Variants in LRP6 observed in about 807,000 individuals in gnomAD.
LRP6 encodes the protein LDL receptor related protein 6, also known as low-density lipoprotein receptor-related protein 6.
A neutral mutation model predicts 184.1 loss-of-function variants in LRP6; 43 were observed. The ratio of observed to expected loss-of-function variants is 0.23; its 90% CI spans 0.18 to 0.30. The LOEUF (loss-of-function observed/expected upper bound fraction) is 0.30. Among genes scored for constraint, LRP6 ranks in the 10% least tolerant of loss-of-function variants. The pLI is 1.00. For synonymous variants in LRP6, 719 were observed against 684.9 expected (o/e 1.05, Z -0.78); for missense variants, 1,571 against 2,005.3 (o/e 0.78, Z 4.14).
At chr12:12,171,367 A>AC (rs1272725505) in intron 7 of LRP6, among the ~76,000 whole-genome samples, 1 of 151,916 alleles carries the variant, frequency 6.6e-6, no homozygotes, top group African/African-American at 2.4e-5. Context: ...ACACACACAC[A>AC]AAAAACTAGC....
intron 1 of LRP6, among the ~76,000 whole-genome samples, chr12:12,263,550 C>CA (rs71061036): frequency 0.79 from 107,149 of 135,752 alleles, 42,066 homozygotes; most frequent in Non-Finnish European, 0.82. Context: ...GAATCCGTCT[C>CA]AAAAAAAAAA....
At position 12,116,245 on chromosome 12, in the gene LRP6, CAA is replaced by C. The variant is rs1949518750; in HGVS notation, c.*4879_*4880del. Reference sequence around the variant, plus strand: ...ACATCCTTGCAAAGCACCATCGTACCAAAGTCAATGAACAAGAAACACCAGTT... The same window carrying C: ...ACATCCTTGCAAAGCACCATCGTACCAGTCAATGAACAAGAAACACCAGTT... On this transcript the variant is annotated 3_prime_UTR_variant, in exon 23 of 23. Coordinates refer to ENST00000261349, the MANE Select transcript of LRP6 (RefSeq NM_002336.3). 1.3e-5 allele frequency: 2 copies of C among 152,074 alleles called. No homozygotes were observed. Among genetic ancestry groups the C allele is most frequent in the Admixed American group, 6.5e-5 (1 of 15,270 alleles). The allele number at this position is 152,074 out of a possible 1,614,324, so 9.4% of individuals were successfully genotyped here.
chr12:12,171,356 A>AAT (rs1555110720), intron 7 of LRP6, among the ~76,000 whole-genome samples: 1 of 151,868 alleles, frequency 6.6e-6, no homozygotes, highest in Non-Finnish European at 1.5e-5. Flanking sequence ...CTCTACTAAA[A>AAT]ACACACACAC....
intron 13 of LRP6, among the ~76,000 whole-genome samples, chr12:12,150,420 A>G (rs758959956): frequency 1.3e-5 from 2 of 152,190 alleles, no homozygotes; most frequent in African/African-American, 2.4e-5. Context: ...TTCCTGTTAC[A>G]TAACACATAA....
At chr12:12,207,006 A>G (rs904571852) in intron 2 of LRP6, among the ~76,000 whole-genome samples, 5 of 152,184 alleles carry the variant, frequency 3.3e-5, no homozygotes, top group Non-Finnish European at 5.9e-5. Context: ...AATGAGAAGC[A>G]TTTATTCCAG....
rs780256112 is a variant in LRP6, at chr12:12,159,797, T to C, written c.2447A>G (p.Glu816Gly). 1 of 1,614,016 alleles carries C rather than the reference T, an allele frequency of 6.2e-7. No individual in the cohort carries two copies. The highest frequency in any genetic ancestry group is 1.3e-5 in the African/African-American group (1 of 74,932). The change falls in exon 11 of 23, where the codon GAA (glutamate) becomes GGA (glycine). Residue 816 changes from glutamate to glycine, a missense_variant. This residue lies in a region of LRP6 where 158 missense variants were observed against 258.4 expected (regional missense o/e 0.61). Transcript: ENST00000261349. Reference protein sequence around the residue: ...YWTDLDTNLIESSNMLGLNRE... With the variant: ...YWTDLDTNLIGSSNMLGLNRE... The stretch of plus-strand genomic sequence containing the variant: ...AAGCTTACCAAGCATATTTGAAGAT[T>C]CTATTAAGTTGGTGTCCAGGTCTGT...
At chr12:12,123,835 G>A (rs955772746) in intron 22 of LRP6, among the ~76,000 whole-genome samples, 1 of 152,138 alleles carries the variant, frequency 6.6e-6, no homozygotes, top group African/African-American at 2.4e-5. Context: ...AATTGTAATA[G>A]CATATGCAAG....
intron 2 of LRP6, among the ~76,000 whole-genome samples, chr12:12,237,690 A>T (rs1472139237): frequency 6.6e-6 from 1 of 152,252 alleles, no homozygotes; most frequent in Non-Finnish European, 1.5e-5. Context: ...TAATCAAATC[A>T]TGAGAAACAG....
intron 1 of LRP6, among the ~76,000 whole-genome samples, chr12:12,255,822 G>A (rs948684936): frequency 2.6e-5 from 4 of 151,830 alleles, no homozygotes; most frequent in African/African-American, 9.7e-5. Context: ...CCTCTGCCAC[G>A]GCCTTCCAAA....
intron 1 of LRP6, among the ~76,000 whole-genome samples, chr12:12,257,888 G>C (rs1174324814): frequency 6.9e-6 from 1 of 144,766 alleles, no homozygotes; most frequent in Non-Finnish European, 1.5e-5. Flanking sequence ...GATCGCCTGA[G>C]ACCAGGAGGT....
intron 2 of LRP6, among the ~76,000 whole-genome samples, chr12:12,222,839 T>C (rs1021541359): frequency 6.6e-6 from 1 of 152,064 alleles, no homozygotes; most frequent in Non-Finnish European, 1.5e-5. Context: ...AGAAAATACA[T>C]AGTAAATGTA....
chr12:12,263,315 C>T (rs1278274120), intron 1 of LRP6, among the ~76,000 whole-genome samples: 2 of 151,112 alleles, frequency 1.3e-5, no homozygotes, highest in Non-Finnish European at 2.9e-5. Context: ...GTGGCTCACG[C>T]CTGTAATTCC....
chr12:12,180,074 G>T, intron 6 of LRP6, 93 bp from the exon 7 acceptor site: 1 of 994,050 alleles, frequency 1.0e-6, no homozygotes, highest in Non-Finnish European at 1.6e-6. Flanking sequence ...CTATTACACT[G>T]GTATCATCAG....
At chr12:12,258,198 C>T (rs1865519353) in intron 1 of LRP6, among the ~76,000 whole-genome samples, 1 of 152,080 alleles carries the variant, frequency 6.6e-6, no homozygotes, top group Non-Finnish European at 1.5e-5. Context: ...CTCACTGTAG[C>T]CTTGAGTTCC....
In LRP6 at chr12:12,193,039, T is replaced by C. The variant is rs972172131; in HGVS notation, c.648-5920A>G. ...ATAAAAAGACTGAACTCATATAAAA[T>C]AGACTACTATCTGACCATAATGAAA... is the stretch of plus-strand genomic sequence containing the variant. On this transcript the variant is annotated intron_variant, in intron 3 of 22. Transcript: ENST00000261349. 3.3e-5 allele frequency among the ~76,000 whole-genome samples: 5 copies of C among 152,142 alleles called. No individual in the cohort carries two copies. The South Asian group carries it at 8.3e-4, about 25-fold the overall frequency.
chr12:12,223,889 T>TTA (rs1358989897), intron 2 of LRP6, among the ~76,000 whole-genome samples: 2 of 152,184 alleles, frequency 1.3e-5, no homozygotes, highest in Non-Finnish European at 2.9e-5. Context: ...CACCATCCAC[T>TTA]TATACTTAAC....
intron 2 of LRP6, among the ~76,000 whole-genome samples, chr12:12,217,496 C>T (rs551112504): frequency 6.6e-6 from 1 of 152,166 alleles, no homozygotes; most frequent in Admixed American, 6.5e-5. Context: ...CATACTGAAA[C>T]CATCCCTCCA....
rs576829941 is a variant in LRP6 at position 12,200,606 on chromosome 12, G to A, written c.647+2597C>T. ...TTCCCCTCTGCATACTGCTCCTGAT[G>A]GGCTTTTTGAAGTTGTTTCTGCAAA... On this transcript the variant is annotated intron_variant, in intron 3 of 22. Coordinates refer to ENST00000261349, the MANE Select transcript of LRP6 (RefSeq NM_002336.3). Among the ~76,000 whole-genome samples the A allele has an allele frequency of 2.0e-5, 3 of 152,242 alleles. No homozygotes were observed. In the East Asian group the frequency reaches 5.8e-4, roughly 29 times the overall value.
chr12:12,162,440 CTAAGTCATATGGCA>C, intron 9 of LRP6, 21 bp from the exon 10 acceptor site: 2 of 1,586,260 alleles, frequency 1.3e-6, no homozygotes, highest in Non-Finnish European at 1.7e-6. Flanking sequence ...ACATTAACAA[CTAAGTCATATGGCA>C]TAAGTCTAAA....
Sources: allele counts gnomAD v4.1 joint callset (sites outside exome capture counted in the v4.1 genomes callset), GRCh38; gene constraint gnomAD v4.1.1; regional missense constraint gnomAD v4.1.1; transcripts MANE v1.5; gene names NCBI Gene and HGNC (gene_info 2026-07-23, HGNC 2026-07-21).